CPAMD8: variants seen among roughly 807,000 people sequenced by gnomAD.
The protein encoded by CPAMD8 is C3 and PZP-like alpha-2-macroglobulin domain-containing protein 8.
A neutral mutation model predicts 224.7 loss-of-function variants in CPAMD8; 146 were observed. The ratio of observed to expected loss-of-function variants is 0.65; its 90% CI spans 0.57 to 0.75. CPAMD8 has a LOEUF of 0.75. Ranked by LOEUF, CPAMD8 falls within the 30% of genes least tolerant of loss-of-function variation. CPAMD8 has a pLI of 0.00. For missense variants in CPAMD8, 2,301 were observed against 2,537.5 expected, an observed-to-expected ratio of 0.91 and a Z score of 2.00; for synonymous variants, 966 against 1,044.6, an observed-to-expected ratio of 0.92 and a Z score of 1.45.
At chr19:16,947,301 T>A in intron 20 of CPAMD8, 74 bp from the exon 21 acceptor site, 2 of 1,523,284 alleles carry the variant, frequency 1.3e-6, no homozygotes, top group Admixed American at 1.9e-5. Flanking sequence ...CCAACACACA[T>A]CCCACCACTC....
At chr19:16,929,881 T>C (rs1189413857) in intron 23 of CPAMD8, among the ~76,000 whole-genome samples, 4 of 152,296 alleles carry the variant, frequency 2.6e-5, no homozygotes, top group African/African-American at 9.6e-5. Context: ...CAGATGGTTC[T>C]ACAGATTCAA....
chr19:17,020,468 C>T lies in CPAMD8; in HGVS notation c.245-115G>A, dbSNP rs977672532. The stretch of plus-strand genomic sequence containing the variant: ...TTAACCCAAAGGGGTTTCATGTGGA[C>T]AAACACACCCTGGGTCATGCTGGCC... On this transcript the variant is annotated intron_variant, in intron 2 of 41. Transcript: ENST00000443236. 3 of 745,208 alleles carry T rather than the reference C, an allele frequency of 4.0e-6. No homozygotes were observed. The African/African-American group carries it at 5.2e-5, about 13-fold the overall frequency. 46.2% of individuals were successfully genotyped at this position (745,208 alleles called of 1,614,324 possible).
intron 24 of CPAMD8, 87 bp from the exon 25 acceptor site, chr19:16,928,321 G>C: frequency 9.6e-7 from 1 of 1,046,702 alleles, no homozygotes; most frequent in Admixed American, 2.0e-5. Flanking sequence ...TTGTGGCCAG[G>C]GTCAGAGGCC....
At chr19:16,894,364 T>C (rs1231268979) in intron 41 of CPAMD8, 1 of 455,882 alleles carries the variant, frequency 2.2e-6, no homozygotes, top group African/African-American at 2.0e-5. Flanking sequence ...CACAGGCTGA[T>C]AGGGACAGGA....
chr19:17,022,949 A>C (rs1341599111), intron 1 of CPAMD8, among the ~76,000 whole-genome samples: 2 of 152,114 alleles, frequency 1.3e-5, no homozygotes, highest in Non-Finnish European at 1.5e-5. Flanking sequence ...CCATTTAGAA[A>C]GTCAGAAAGG....
At position 16,903,796 on chromosome 19, in the gene CPAMD8, A is replaced by G; in HGVS notation, c.4313T>C (p.Ile1438Thr). 6.2e-7 allele frequency: 1 copy of G among 1,614,126 alleles called. No individual in the cohort carries two copies. Among genetic ancestry groups the G allele is most frequent in the Non-Finnish European group, 8.5e-7 (1 of 1,179,954 alleles). Residue 1438 changes from isoleucine (I) to threonine (T), a missense_variant, in exon 33 of 42, where the codon ATC becomes ACC. Coordinates refer to ENST00000443236, the MANE Select transcript of CPAMD8 (RefSeq NM_015692.5). ...EYAILSYAGGINLTVSLASTN... is the reference protein window; with the variant it reads ...EYAILSYAGGTNLTVSLASTN... ...GGAGGCCAGGGAGACAGTGAGGTTGATGCCTCCAGCATAGGACAAGATGGC... is the reference window on the plus strand; with the variant it reads ...GGAGGCCAGGGAGACAGTGAGGTTGGTGCCTCCAGCATAGGACAAGATGGC...
Position 16,993,703 on chromosome 19 carries a change from A to T in CPAMD8, c.1096-117T>A, listed in dbSNP as rs762323420. 5 of 935,136 alleles carry T rather than the reference A, an allele frequency of 5.3e-6. No individual in the cohort carries two copies. The African/African-American group carries it at 6.7e-5, about 12-fold the overall frequency. 57.9% of individuals were successfully genotyped at this position (935,136 alleles called of 1,614,324 possible). ...AGCAGGCTTCTTTGTAGAAATTGAC[A>T]AACTGCTCCTGAAATTCACAGGGCA... On this transcript the variant is annotated intron_variant, in intron 11 of 41. Coordinates refer to ENST00000443236, the MANE Select transcript of CPAMD8 (RefSeq NM_015692.5).
At chr19:16,906,403 TTTC>T (rs2052513756) in intron 30 of CPAMD8, among the ~76,000 whole-genome samples, 1 of 79,782 alleles carries the variant, frequency 1.3e-5, no homozygotes, top group Middle Eastern at 5.1e-3. Context: ...TCTTTCTTTC[TTTC>T]TTTCCTTCCT....
At chr19:16,915,577 C>T (rs1248128384) in intron 27 of CPAMD8, among the ~76,000 whole-genome samples, 1 of 152,200 alleles carries the variant, frequency 6.6e-6, no homozygotes, top group East Asian at 1.9e-4. Context: ...TCTCCCTTGC[C>T]CTGCTTTTGC....
At position 16,901,950 on chromosome 19, in the gene CPAMD8, G is replaced by A. The variant is rs578184260; in HGVS notation, c.4686-653C>T. The stretch of plus-strand genomic sequence containing the variant: ...CAAGGTCAGGGCAGCCGTTACCGGG[G>A]TAGCGGCTCTGATGGGCTGCGAGTG... On this transcript the variant is annotated intron_variant, in intron 35 of 41. Coordinates refer to ENST00000443236, the MANE Select transcript of CPAMD8 (RefSeq NM_015692.5). Among the ~76,000 whole-genome samples the A allele has an allele frequency of 9.9e-5, 15 of 152,230 alleles. No homozygotes were observed. In the South Asian group the frequency reaches 1.9e-3, roughly 19 times the overall value.
intron 7 of CPAMD8, among the ~76,000 whole-genome samples, chr19:17,005,907 G>C (rs1201349715): frequency 1.3e-5 from 2 of 152,112 alleles, no homozygotes; most frequent in African/African-American, 4.8e-5. Context: ...AGTGCTCCCT[G>C]AGAGAGGGGC....
chr19:17,011,035 G>A (rs916184388), intron 5 of CPAMD8, among the ~76,000 whole-genome samples: 4 of 149,970 alleles, frequency 2.7e-5, no homozygotes, highest in African/African-American at 9.8e-5. Flanking sequence ...AAAAAAAACA[G>A]AAAAAAAAAT....
At position 17,011,443 on chromosome 19, in the gene CPAMD8, G is replaced by A. The variant is rs748944560; in HGVS notation, c.486+21C>T. 65 of 1,614,064 alleles carry A rather than the reference G, an allele frequency of 4.0e-5. No individual in the cohort carries two copies. The Middle Eastern group carries it at 9.9e-4, about 24-fold the overall frequency. ...CCAAGTGGGTGCACTCCGGGCCCGC[G>A]GTTTTAGAAGCTGATCTCACCTTCT... On this transcript the variant is annotated intron_variant, in intron 5 of 41. Coordinates refer to ENST00000443236, the MANE Select transcript of CPAMD8 (RefSeq NM_015692.5).
intron 32 of CPAMD8, 50 bp downstream of exon 32, chr19:16,904,176 A>AGGGGCCCCCCCCCACC: frequency 1.1e-6 from 1 of 937,340 alleles, no homozygotes; most frequent in Non-Finnish European, 1.7e-6. Flanking sequence ...GACTGCAGGG[A>AGGGGCCCCCCCCCACC]CCCCACCCAC....
intron 13 of CPAMD8, among the ~76,000 whole-genome samples, chr19:16,987,677 G>T (rs2055793759): frequency 1.3e-5 from 2 of 152,080 alleles, no homozygotes; most frequent in African/African-American, 4.8e-5. Context: ...TTGAGACAGG[G>T]TCTCGCTCTG....
intron 7 of CPAMD8, among the ~76,000 whole-genome samples, chr19:17,007,839 T>C (rs546324555): frequency 6.6e-6 from 1 of 152,228 alleles, no homozygotes; most frequent in African/African-American, 2.4e-5. Flanking sequence ...TCTCATGCAA[T>C]GGGGATGATA....
At chr19:17,007,149 C>G (rs1266184434) in intron 7 of CPAMD8, among the ~76,000 whole-genome samples, 1 of 151,962 alleles carries the variant, frequency 6.6e-6, no homozygotes, top group East Asian at 1.9e-4. Flanking sequence ...GCCTGGCCAA[C>G]ATGGTGAAAC....
chr19:16,941,409 A>C (rs1029145122), intron 22 of CPAMD8, among the ~76,000 whole-genome samples: 1 of 152,186 alleles, frequency 6.6e-6, no homozygotes, highest in African/African-American at 2.4e-5. Flanking sequence ...CATTGTGCTG[A>C]GTGAGAGAAG....
In CPAMD8 at chr19:16,952,208, G is replaced by A. The variant is rs1201861961; in HGVS notation, c.2277-8C>T. ...CCCTCACCAGATGGGTCACTGCGGAGAGACAGACAGCCATGATGGGGGGCC... is the reference window on the plus strand; with the variant it reads ...CCCTCACCAGATGGGTCACTGCGGAAAGACAGACAGCCATGATGGGGGGCC... On this transcript the variant is annotated splice_region_variant and splice_polypyrimidine_tract_variant and intron_variant, in intron 19 of 41. Transcript: ENST00000443236. The A allele has an allele frequency of 6.9e-7, 1 of 1,456,418 alleles. No homozygotes were observed. The allele number at this position is 1,456,418 out of a possible 1,614,324, so 90.2% of individuals were successfully genotyped here. A position where few individuals can be genotyped will look rare whatever the true frequency, so the allele number is the denominator to read the frequency against.
Sources: gnomAD v4.1 joint callset for allele counts (sites outside exome capture counted in the v4.1 genomes callset) on GRCh38, gnomAD v4.1.1 for gene constraint, MANE v1.5 for transcripts, NCBI Gene and HGNC (gene_info 2026-07-23, HGNC 2026-07-21) for gene names.